The following CDH12 variants were observed in gnomAD, a reference collection of about 807,000 sequenced individuals.
CDH12 encodes cadherin 12.
Under a neutral mutation model 74.1 loss-of-function variants are expected in CDH12, and 41 were observed. The ratio of observed to expected loss-of-function variants is 0.55; its 90% CI spans 0.43 to 0.72. CDH12 has a LOEUF of 0.72. Ranked by LOEUF, CDH12 falls within the 30% of genes least tolerant of loss-of-function variation. CDH12 has a pLI of 0.00. For missense variants in CDH12, 945 were observed against 977.2 expected (o/e 0.97, Z 0.44); for synonymous variants, 399 against 355.0 (o/e 1.12, Z -1.39).
intron 1 of CDH12, among the ~76,000 whole-genome samples, chr5:22,681,990 C>A (rs1741519655): frequency 6.6e-6 from 1 of 152,012 alleles, no homozygotes; most frequent in African/African-American, 2.4e-5. Flanking sequence ...TAAGCATATA[C>A]ATTCATGGAA....
chr5:22,286,966 A>C (rs947671396), intron 3 of CDH12, among the ~76,000 whole-genome samples: 5 of 152,226 alleles, frequency 3.3e-5, no homozygotes, highest in South Asian at 2.1e-4. Flanking sequence ...AAGATAGGAA[A>C]TATACCACTG....
At chr5:22,755,663 T>G (rs1300127453) in intron 1 of CDH12, among the ~76,000 whole-genome samples, 1 of 152,166 alleles carries the variant, frequency 6.6e-6, no homozygotes, top group African/African-American at 2.4e-5. Context: ...CTTTCTTCTC[T>G]TGTGTTAAGC....
chr5:22,027,524 C>T (rs186429136), intron 5 of CDH12, among the ~76,000 whole-genome samples: 1 of 152,152 alleles, frequency 6.6e-6, no homozygotes, highest in East Asian at 1.9e-4. Context: ...GATTCAACTT[C>T]TTCCTGGTTT....
intron 4 of CDH12, among the ~76,000 whole-genome samples, chr5:22,138,485 G>A (rs1401861930): frequency 6.6e-6 from 1 of 151,080 alleles, no homozygotes; most frequent in Non-Finnish European, 1.5e-5. Flanking sequence ...CTCCTAAAGT[G>A]GCCATAATAA....
chr5:22,650,199 T>A (rs2126882585), intron 1 of CDH12, among the ~76,000 whole-genome samples: 1 of 152,116 alleles, frequency 6.6e-6, no homozygotes, highest in Non-Finnish European at 1.5e-5. Context: ...TCATGATTAG[T>A]GGCTATCATA....
At chr5:21,956,195 C>T (rs374775821) in intron 6 of CDH12, among the ~76,000 whole-genome samples, 2 of 151,472 alleles carry the variant, frequency 1.3e-5, no homozygotes, top group Non-Finnish European at 1.5e-5. Context: ...AGATTAGATA[C>T]CATTGAAGGA....
At chr5:22,318,944 C>CA (rs965625167) in intron 3 of CDH12, among the ~76,000 whole-genome samples, 6 of 151,552 alleles carry the variant, frequency 4.0e-5, no homozygotes, top group Middle Eastern at 3.4e-3. Flanking sequence ...TGTTTTGGGA[C>CA]AAAAAAATGA....
At chr5:22,217,327 A>G (rs1164206473) in intron 3 of CDH12, among the ~76,000 whole-genome samples, 2 of 151,816 alleles carry the variant, frequency 1.3e-5, no homozygotes, top group African/African-American at 4.8e-5. Context: ...AGTAAAATTA[A>G]TGTAAAGGTA....
intron 1 of CDH12, among the ~76,000 whole-genome samples, chr5:22,538,387 C>T (rs1561477583): frequency 6.6e-6 from 1 of 152,176 alleles, no homozygotes; most frequent in Non-Finnish European, 1.5e-5. Flanking sequence ...CCAAACATTC[C>T]TAACTACCTA....
At chr5:21,910,960 T>C (rs919484787) in intron 6 of CDH12, among the ~76,000 whole-genome samples, 1 of 152,182 alleles carries the variant, frequency 6.6e-6, no homozygotes, top group Non-Finnish European at 1.5e-5. Context: ...ATAAAAATGC[T>C]CTCTAGTGAT....
chr5:22,363,164 T>C (rs1181003946), intron 3 of CDH12, among the ~76,000 whole-genome samples: 2 of 152,054 alleles, frequency 1.3e-5, no homozygotes, highest in African/African-American at 4.8e-5. Context: ...ATTTGGAGAT[T>C]GTAAAAAGAA....
chr5:22,769,046 A>T (rs1746669835), intron 1 of CDH12, among the ~76,000 whole-genome samples: 1 of 152,134 alleles, frequency 6.6e-6, no homozygotes, highest in South Asian at 2.1e-4. Flanking sequence ...AGCATACAAC[A>T]TGCACAACTT....
chr5:22,457,398 T>TCCTTC (rs1440717956), intron 2 of CDH12, among the ~76,000 whole-genome samples: 2 of 137,356 alleles, frequency 1.5e-5, no homozygotes, highest in Non-Finnish European at 3.1e-5. Flanking sequence ...CTTCTCCTTC[T>TCCTTC]TCCTCTTCCT....
chr5:21,965,981 C>A (rs1344155891), intron 6 of CDH12, among the ~76,000 whole-genome samples: 1 of 151,862 alleles, frequency 6.6e-6, no homozygotes, highest in Admixed American at 6.6e-5. Context: ...AAACCTTTAC[C>A]ATGAGTCTAT....
intron 6 of CDH12, chr5:21,889,684 G>C (rs764274474): frequency 1.0e-5 from 10 of 984,950 alleles, no homozygotes; most frequent in Non-Finnish European, 9.6e-6. Context: ...AAATCAGAAA[G>C]TATTCTCCAG....
intron 1 of CDH12, among the ~76,000 whole-genome samples, chr5:22,772,800 C>A (rs950319201): frequency 6.6e-6 from 1 of 152,044 alleles, no homozygotes; most frequent in African/African-American, 2.4e-5. Flanking sequence ...AAACCACTTC[C>A]TTTGGTACTA....
chr5:21,866,796 A>G (rs1751350327), intron 6 of CDH12, among the ~76,000 whole-genome samples: 1 of 152,188 alleles, frequency 6.6e-6, no homozygotes, highest in South Asian at 2.1e-4. Flanking sequence ...TCACAAGGAC[A>G]ATGAAGAAAA....
intron 1 of CDH12, among the ~76,000 whole-genome samples, chr5:22,746,090 A>C (rs1466314530): frequency 6.6e-6 from 1 of 152,164 alleles, no homozygotes; most frequent in Non-Finnish European, 1.5e-5. Context: ...CAATTGAAAA[A>C]AATATTTTAA....
intron 3 of CDH12, among the ~76,000 whole-genome samples, chr5:22,322,138 T>C (rs1029513264): frequency 6.6e-6 from 1 of 151,684 alleles, no homozygotes; most frequent in African/African-American, 2.4e-5. Context: ...CAGGAAAACT[T>C]AAAAAGCACT....
Sources: gnomAD v4.1 joint callset for allele counts (sites outside exome capture counted in the v4.1 genomes callset) on GRCh38, gnomAD v4.1.1 for gene constraint, MANE v1.5 for transcripts, NCBI Gene and HGNC (gene_info 2026-07-23, HGNC 2026-07-21) for gene names.